Variants in CHTF18 observed in about 807,000 individuals in gnomAD.
The protein encoded by CHTF18 is chromosome transmission fidelity factor 18.
CHTF18 carries 151 observed loss-of-function variants against 113.4 expected under a neutral mutation model. The observed-to-expected ratio is 1.33, with a 90% confidence interval of 1.17 to 1.52. CHTF18 has a LOEUF of 1.52. CHTF18 is among the 40% of genes most tolerant of loss of function. The pLI is 0.00. For synonymous variants in CHTF18, 916 were observed against 598.8 expected, an observed-to-expected ratio of 1.53 and a Z score of -7.74; for missense variants, 1,982 against 1,381.6, an observed-to-expected ratio of 1.43 and a Z score of -6.89.
rs561763344 is a variant in CHTF18, at chr16:788,708, G to T, written c.24G>T (p.Leu8=). 3.2e-5 allele frequency: 52 copies of T among 1,600,858 alleles called. No individual in the cohort carries two copies. The East Asian group carries it at 9.8e-4, about 30-fold the overall frequency. MEDYEQE[L]CGVEDDFHNQ... is the part of the protein sequence containing the mutation. ...GTATGGAGGACTACGAGCAGGAGCT[G>T]TGCGGCGTCGAGGATGATTTCCACA... Residue 8 remains leucine, a synonymous_variant, in exon 1 of 22, where the codon CTG becomes CTT. Coordinates refer to ENST00000262315, the MANE Select transcript of CHTF18 (RefSeq NM_022092.3).
chr16:792,713 C>A lies in CHTF18; in HGVS notation c.1479-5C>A. On this transcript the variant is annotated splice_region_variant and splice_polypyrimidine_tract_variant and intron_variant, in intron 11 of 21. Transcript: ENST00000262315. ...GGGGTCCCTGGCCCTGCCGCCTCTC[C>A]TCAGGTTCGCACCGTCCCTGCGGCA... The A allele has an allele frequency of 6.4e-7, 1 of 1,566,766 alleles. No individual in the cohort carries two copies. The highest frequency in any genetic ancestry group is 1.3e-5 in the African/African-American group (1 of 74,166).
intron 6 of CHTF18, 23 bp from the exon 7 acceptor site, chr16:790,502 G>C: frequency 6.2e-7 from 1 of 1,604,666 alleles, no homozygotes; most frequent in Non-Finnish European, 8.5e-7. Flanking sequence ...GTTGTTTGTG[G>C]CTCAGGACGT....
At chr16:797,656 T>C (rs1395587396) in intron 20 of CHTF18, 38 bp from the exon 21 acceptor site, 2 of 1,606,878 alleles carry the variant, frequency 1.2e-6, no homozygotes, top group Non-Finnish European at 8.5e-7. Context: ...GGATGGGGCA[T>C]CTGTCCTATA....
At chr16:791,521 G>C (rs961216450) in intron 8 of CHTF18, 151 bp downstream of exon 8, 33 of 1,436,930 alleles carry the variant, frequency 2.3e-5, no homozygotes, top group Middle Eastern at 2.6e-4. Flanking sequence ...GTTAGAACTG[G>C]AGCGTTGCAG....
chr16:796,145 C>A, intron 18 of CHTF18, 68 bp downstream of exon 18: 1 of 1,541,088 alleles, frequency 6.5e-7, no homozygotes, highest in Non-Finnish European at 8.7e-7. Flanking sequence ...TGTTCAGGGC[C>A]CGCATGGGGC....
chr16:797,068 G>C lies in CHTF18; in HGVS notation c.2709G>C (p.Met903Ile). The C allele has an allele frequency of 6.5e-7, 1 of 1,543,516 alleles. No individual in the cohort carries two copies. Among genetic ancestry groups the C allele is most frequent in the Non-Finnish European group, 8.7e-7 (1 of 1,146,968 alleles). The change falls in exon 20 of 22, where the codon ATG (methionine) becomes ATC (isoleucine). Residue 903 changes from methionine (M) to isoleucine (I), a missense_variant. Physicochemically the swap from Met to Ile is conservative, Grantham distance 10. Transcript: ENST00000262315. ...RNHEQRLEHI[M>I]RRAAREEQPE... Reference sequence around the variant, plus strand: ...ATGAGCAGCGGCTGGAGCACATCATGAGGCGAGCGGCCCGGGAGGAACAGG... The same window carrying C: ...ATGAGCAGCGGCTGGAGCACATCATCAGGCGAGCGGCCCGGGAGGAACAGG...
chr16:793,523 C>T, intron 14 of CHTF18: 2 of 598,678 alleles, frequency 3.3e-6, no homozygotes, highest in East Asian at 2.8e-5. Context: ...GTGGTGGGGC[C>T]TCCAGGGCGT....
In CHTF18 at chr16:798,073, A is replaced by G. The variant is rs2042407190; in HGVS notation, c.*98A>G. Reference sequence around the variant, plus strand: ...ATAAAGTCACACCTTTACAGACTGTAATCACGTGCGAGTGGAGTGGGGTTC... The same window carrying G: ...ATAAAGTCACACCTTTACAGACTGTGATCACGTGCGAGTGGAGTGGGGTTC... On this transcript the variant is annotated 3_prime_UTR_variant, in exon 22 of 22. Transcript: ENST00000262315. 2.7e-6 allele frequency: 4 copies of G among 1,468,630 alleles called. No homozygotes were observed. Among genetic ancestry groups the G allele is most frequent in the Non-Finnish European group, 3.7e-6 (4 of 1,092,556 alleles). The allele number at this position is 1,468,630 out of a possible 1,614,324, so 91.0% of individuals were successfully genotyped here. A position where few individuals can be genotyped will look rare whatever the true frequency, so the allele number is the denominator to read the frequency against.
Position 794,090 on chromosome 16 carries a change from C to T in CHTF18, c.1839C>T (p.Asp613=), listed in dbSNP as rs764786414. The T allele has an allele frequency of 4.3e-6, 7 of 1,612,230 alleles. No homozygotes were observed. Among genetic ancestry groups the T allele is most frequent in the Non-Finnish European group, 5.1e-6 (6 of 1,179,694 alleles). ...RVGQDPALPA[D]TLLLGDGDAG... ...GCCAGGACCCCGCCCTGCCTGCTGA[C>T]ACACTCCTGCTGGGTGACGGGGACG... The change falls in exon 15 of 22, where the codon GAC becomes GAT. Residue 613 remains aspartate (D), a synonymous_variant. Transcript: ENST00000262315.
Position 791,541 on chromosome 16 carries a change from G to C in CHTF18, c.1104+171G>C, listed in dbSNP as rs117110675. On this transcript the variant is annotated intron_variant, in intron 8 of 21. Coordinates refer to ENST00000262315, the MANE Select transcript of CHTF18 (RefSeq NM_022092.3). The stretch of plus-strand genomic sequence containing the variant: ...AACTGGAGCGTTGCAGTAACAACTC[G>C]GGGGAAGTCGTTGTCCCTGAAGGGC... 19 of 1,435,160 alleles carry C rather than the reference G, an allele frequency of 1.3e-5. No individual in the cohort carries two copies. In the Admixed American group the frequency reaches 5.1e-4, roughly 38 times the overall value. The allele number at this position is 1,435,160 out of a possible 1,614,324, so 88.9% of individuals were successfully genotyped here.
chr16:794,115 G>T lies in CHTF18; in HGVS notation c.1864G>T (p.Ala622Ser), dbSNP rs756569052. Residue 622 changes from alanine (A) to serine (S), a missense_variant, in exon 15 of 22, where the codon GCG (alanine) becomes TCG (serine). Coordinates refer to ENST00000262315, the MANE Select transcript of CHTF18 (RefSeq NM_022092.3). ...CACACTCCTGCTGGGTGACGGGGAC[G>T]CGGGCTCCCTCACCTCCGCCTCACA... Reference protein sequence around the residue: ...ADTLLLGDGDAGSLTSASQRF... With the variant: ...ADTLLLGDGDSGSLTSASQRF... 5.0e-6 allele frequency: 8 copies of T among 1,612,230 alleles called. No homozygotes were observed. The South Asian group carries it at 7.7e-5, about 15-fold the overall frequency.
At chr16:789,769 G>T in intron 4 of CHTF18, 54 bp downstream of exon 4, 1 of 1,503,844 alleles carries the variant, frequency 6.6e-7, no homozygotes, top group Non-Finnish European at 8.8e-7. Context: ...GCTCAGGAAA[G>T]GGTCCTTGGA....
intron 15 of CHTF18, 186 bp from the exon 16 acceptor site, chr16:794,946 C>A: frequency 1.7e-6 from 1 of 594,098 alleles, no homozygotes; most frequent in South Asian, 2.0e-5. Flanking sequence ...GGCCCAGTGA[C>A]CCCTTGCTGG....
At chr16:789,920 C>A in intron 4 of CHTF18, 2 of 1,476,652 alleles carry the variant, frequency 1.4e-6, no homozygotes, top group East Asian at 2.5e-5. Context: ...TTTGTATGGC[C>A]TCGGGTGGAG....
At chr16:790,902 C>T (rs1354621103) in intron 7 of CHTF18, 13 of 1,432,512 alleles carry the variant, frequency 9.1e-6, no homozygotes, top group South Asian at 3.0e-5. Context: ...AGTCTCTGTT[C>T]CCTTTCCTAC....
rs1388521706 is a variant in CHTF18, at chr16:793,003, T to C, written c.1610T>C (p.Val537Ala). 1.3e-6 allele frequency: 2 copies of C among 1,559,352 alleles called. No homozygotes were observed. The highest frequency in any genetic ancestry group is 1.7e-6 in the Non-Finnish European group (2 of 1,152,318). ...LRQGMRADPG[V>A]LAALCEKTDN... is the part of the protein sequence containing the mutation. The stretch of plus-strand genomic sequence containing the variant: ...CAGGGCATGAGGGCCGACCCAGGGG[T>C]GCTGGCCGCCCTCTGTGAGAAAACT... Residue 537 changes from valine (V) to alanine (A), a missense_variant, in exon 13 of 22, where the codon GTG (valine) becomes GCG (alanine). By Grantham distance (64) the Val-to-Ala change is moderately conservative. Transcript: ENST00000262315.
Position 789,480 on chromosome 16 carries a change from C to A in CHTF18, c.438-67C>A, listed in dbSNP as rs185791548. On this transcript the variant is annotated intron_variant, in intron 3 of 21. Transcript: ENST00000262315. ...AGGGTTCCATGGCTGAGAGCAGTCTCGGACACCCATATCCAAGGGTGACCC... is the reference window on the plus strand; with the variant it reads ...AGGGTTCCATGGCTGAGAGCAGTCTAGGACACCCATATCCAAGGGTGACCC... The A allele has an allele frequency of 1.4e-5, 22 of 1,543,122 alleles. No individual in the cohort carries two copies. The South Asian group carries it at 2.6e-4, about 18-fold the overall frequency.
At chr16:790,012 C>G in intron 4 of CHTF18, 165 bp from the exon 5 acceptor site, 6 of 1,535,384 alleles carry the variant, frequency 3.9e-6, no homozygotes, top group South Asian at 1.2e-5. Context: ...TGCAGCTGAC[C>G]CATCTGGATG....
intron 15 of CHTF18, chr16:794,815 T>C (rs917062401): frequency 7.3e-6 from 3 of 408,620 alleles, no homozygotes; most frequent in Non-Finnish European, 1.3e-5. Context: ...TGAGTGAGGC[T>C]GGATCCCTTT....
Sources: gnomAD v4.1 joint callset for allele counts on GRCh38, gnomAD v4.1.1 for gene constraint, MANE v1.5 for transcripts, NCBI Gene and HGNC (gene_info 2026-07-23, HGNC 2026-07-21) for gene names.